The following IMMP2L variants were observed in gnomAD, a reference collection of about 807,000 sequenced individuals.
IMMP2L encodes the protein inner mitochondrial membrane peptidase subunit 2.
IMMP2L carries 18 observed loss-of-function variants against 19.3 expected under a neutral mutation model. The observed-to-expected ratio is 0.93, with a 90% CI of 0.64 to 1.38. The LOEUF (loss-of-function observed/expected upper bound fraction) is 1.38, where lower values mean the gene tolerates loss of function less well. Among genes scored for constraint, IMMP2L ranks in the 40% most tolerant of loss-of-function variants. The pLI is 0.00. For synonymous variants in IMMP2L, 76 were observed against 73.0 expected (o/e 1.04, Z -0.21); for missense variants, 233 against 218.2 (o/e 1.07, Z -0.43).
intron 5 of IMMP2L, among the ~76,000 whole-genome samples, chr7:110,816,178 T>C (rs984437388): frequency 6.6e-6 from 1 of 152,144 alleles, no homozygotes; most frequent in African/African-American, 2.4e-5. Flanking sequence ...TTTGTTCTCA[T>C]TGGTTTCAAA....
At chr7:110,663,745 A>C (rs1791229810) in intron 5 of IMMP2L, 24 bp from the exon 6 acceptor site, 3 of 1,486,416 alleles carry the variant, frequency 2.0e-6, no homozygotes, top group Non-Finnish European at 2.7e-6. Context: ...AAACAGAAAG[A>C]AAGCAATAAA....
At chr7:111,492,103 C>G (rs1404533451) in intron 2 of IMMP2L, among the ~76,000 whole-genome samples, 2 of 151,952 alleles carry the variant, frequency 1.3e-5, no homozygotes, top group East Asian at 1.9e-4. Flanking sequence ...CCTTGTCTCT[C>G]TTTCCAAGAG....
intron 3 of IMMP2L, among the ~76,000 whole-genome samples, chr7:111,075,359 C>G (rs1186331625): frequency 6.6e-6 from 1 of 152,076 alleles, no homozygotes; most frequent in African/African-American, 2.4e-5. Flanking sequence ...AACTCCTGAA[C>G]TCAACTGATC....
chr7:110,822,411 T>A (rs1206420508), intron 5 of IMMP2L, among the ~76,000 whole-genome samples: 1 of 152,120 alleles, frequency 6.6e-6, no homozygotes, highest in African/African-American at 2.4e-5. Context: ...TGACTTGTAG[T>A]TCCTCATACT....
chr7:110,865,989 C>T (rs10235732), intron 5 of IMMP2L, among the ~76,000 whole-genome samples: 1 of 151,836 alleles, frequency 6.6e-6, no homozygotes, highest in Non-Finnish European at 1.5e-5. Context: ...TAAAAGGATA[C>T]AGATAAGGCA....
intron 3 of IMMP2L, among the ~76,000 whole-genome samples, chr7:111,307,567 G>A (rs931472513): frequency 6.6e-6 from 1 of 151,386 alleles, no homozygotes; most frequent in Admixed American, 6.6e-5. Context: ...TATAAACTTT[G>A]CATAAAAACA....
intron 3 of IMMP2L, among the ~76,000 whole-genome samples, chr7:111,446,867 C>A (rs1838516931): frequency 6.6e-6 from 1 of 150,894 alleles, no homozygotes; most frequent in Non-Finnish European, 1.5e-5. Context: ...CTTAAAGGAG[C>A]TGATGGAGCT....
intron 3 of IMMP2L, among the ~76,000 whole-genome samples, chr7:111,471,629 T>C (rs543051515): frequency 6.6e-6 from 1 of 152,250 alleles, no homozygotes; most frequent in South Asian, 2.1e-4. Context: ...GGTTAGAAAA[T>C]ATTAAAATTA....
chr7:110,770,518 T>A (rs1798964866), intron 5 of IMMP2L, among the ~76,000 whole-genome samples: 1 of 152,190 alleles, frequency 6.6e-6, no homozygotes, highest in Non-Finnish European at 1.5e-5. Flanking sequence ...TTCACCTAAG[T>A]TCAGACCTTT....
intron 4 of IMMP2L, among the ~76,000 whole-genome samples, chr7:110,915,539 C>T (rs1245177329): frequency 2.0e-5 from 3 of 152,110 alleles, no homozygotes; most frequent in Non-Finnish European, 4.4e-5. Flanking sequence ...AGATCTTATG[C>T]ACAGCATGGC....
chr7:111,128,954 G>C (rs1271506385), intron 3 of IMMP2L, among the ~76,000 whole-genome samples: 1 of 152,130 alleles, frequency 6.6e-6, no homozygotes, highest in Non-Finnish European at 1.5e-5. Context: ...ATCTAGCATA[G>C]ACAAAATGTC....
intron 3 of IMMP2L, among the ~76,000 whole-genome samples, chr7:111,097,725 T>C (rs1797554234): frequency 1.3e-5 from 2 of 151,880 alleles, no homozygotes; most frequent in African/African-American, 4.8e-5. Flanking sequence ...TAAATTTAAT[T>C]CTATTTTTAT....
At chr7:111,333,047 G>A (rs965559595) in intron 3 of IMMP2L, among the ~76,000 whole-genome samples, 4 of 151,960 alleles carry the variant, frequency 2.6e-5, no homozygotes, top group African/African-American at 9.7e-5. Flanking sequence ...TCCAGTCAGG[G>A]CTACAAATAG....
chr7:111,389,278 T>C (rs891182209), intron 3 of IMMP2L, among the ~76,000 whole-genome samples: 6 of 152,082 alleles, frequency 3.9e-5, no homozygotes, highest in Non-Finnish European at 8.8e-5. Flanking sequence ...TTAATGAAGA[T>C]TCCAGATTGA....
At chr7:110,895,183 C>T (rs1340217403) in intron 4 of IMMP2L, among the ~76,000 whole-genome samples, 1 of 152,116 alleles carries the variant, frequency 6.6e-6, no homozygotes, top group Non-Finnish European at 1.5e-5. Context: ...CTTTTTAAAA[C>T]CATCAGATCT....
intron 3 of IMMP2L, among the ~76,000 whole-genome samples, chr7:110,997,620 T>G (rs1033122897): frequency 3.3e-5 from 5 of 152,138 alleles, no homozygotes; most frequent in Admixed American, 6.6e-5. Context: ...TAATGATGTT[T>G]AACATCTTTT....
chr7:110,982,003 G>C (rs2129558183), intron 3 of IMMP2L, among the ~76,000 whole-genome samples: 1 of 152,194 alleles, frequency 6.6e-6, no homozygotes, highest in African/African-American at 2.4e-5. Flanking sequence ...AAAACTGATA[G>C]TAGGGCATTT....
chr7:111,236,982 C>G (rs1179533355), intron 3 of IMMP2L, among the ~76,000 whole-genome samples: 3 of 152,046 alleles, frequency 2.0e-5, no homozygotes, highest in Admixed American at 1.3e-4. Context: ...CTGAAACATT[C>G]TAATACAATT....
At chr7:111,438,073 T>C (rs868319031) in intron 3 of IMMP2L, among the ~76,000 whole-genome samples, 1 of 151,898 alleles carries the variant, frequency 6.6e-6, no homozygotes, top group African/African-American at 2.4e-5. Context: ...TATTTGCTCT[T>C]TGCTATTCCA....
Sources: gnomAD v4.1 joint callset for allele counts (sites outside exome capture counted in the v4.1 genomes callset) on GRCh38, gnomAD v4.1.1 for gene constraint, MANE v1.5 for transcripts, NCBI Gene and HGNC (gene_info 2026-07-23, HGNC 2026-07-21) for gene names.